IPO11: variants seen among roughly 807,000 people sequenced by gnomAD.
IPO11 encodes importin 11, also known as importin-11.
A neutral mutation model predicts 143.2 loss-of-function variants in IPO11; 66 were observed. That is an observed-to-expected ratio of 0.46 (90% confidence interval 0.38 to 0.57). The LOEUF is 0.57. Ranked by LOEUF, IPO11 falls within the 20% of genes least tolerant of loss-of-function variation. The pLI, the probability that IPO11 is intolerant of heterozygous loss-of-function variation, is 0.00. For missense variants in IPO11, 1,026 were observed against 1,141.0 expected, an observed-to-expected ratio of 0.90 and a Z score of 1.45; for synonymous variants, 385 against 377.8, an observed-to-expected ratio of 1.02 and a Z score of -0.22.
At chr5:62,608,804 T>C (rs1484357927) in intron 29 of IPO11, among the ~76,000 whole-genome samples, 1 of 152,232 alleles carries the variant, frequency 6.6e-6, no homozygotes, top group African/African-American at 2.4e-5. Context: ...GGGTTCACTC[T>C]GGTATTGTAC....
chr5:62,559,586 G>A (rs1243784710), intron 26 of IPO11, among the ~76,000 whole-genome samples: 2 of 151,816 alleles, frequency 1.3e-5, no homozygotes, highest in Non-Finnish European at 2.9e-5. Context: ...TGTTGCTTTT[G>A]TTTTTGTTTT....
intron 28 of IPO11, among the ~76,000 whole-genome samples, chr5:62,599,769 A>T (rs923656771): frequency 6.6e-6 from 1 of 152,214 alleles, no homozygotes. Flanking sequence ...TTTTATTAGT[A>T]TAACTATTAC....
intron 16 of IPO11, among the ~76,000 whole-genome samples, chr5:62,500,971 G>GTTGA (rs1611104): frequency 0.062 from 9,380 of 152,230 alleles, 408 homozygotes; most frequent in East Asian, 0.14. Flanking sequence ...GTGATCTGTT[G>GTTGA]TTGACTAATA....
intron 19 of IPO11, among the ~76,000 whole-genome samples, chr5:62,513,435 C>T (rs1275529752): frequency 3.6e-5 from 5 of 137,178 alleles, no homozygotes; most frequent in African/African-American, 1.1e-4. Flanking sequence ...ACCTCCCTCC[C>T]GGACGGAGCG....
intron 1 of IPO11, among the ~76,000 whole-genome samples, chr5:62,436,859 G>A (rs1380337926): frequency 6.6e-6 from 1 of 152,194 alleles, no homozygotes; most frequent in African/African-American, 2.4e-5. Flanking sequence ...CAAGGATAAA[G>A]TTAGGTGTTA....
At chr5:62,491,413 C>G (rs1746603074) in intron 15 of IPO11, among the ~76,000 whole-genome samples, 1 of 152,160 alleles carries the variant, frequency 6.6e-6, no homozygotes, top group African/African-American at 2.4e-5. Flanking sequence ...AGAAAGCTTT[C>G]ATTGGCGAAA....
chr5:62,594,879 T>G (rs921365359), intron 28 of IPO11, among the ~76,000 whole-genome samples: 7 of 152,112 alleles, frequency 4.6e-5, no homozygotes, highest in African/African-American at 1.7e-4. Context: ...GGATATGTAG[T>G]GGATTGGAGC....
intron 29 of IPO11, among the ~76,000 whole-genome samples, chr5:62,620,169 G>C (rs1746294010): frequency 6.6e-6 from 1 of 152,078 alleles, no homozygotes; most frequent in African/African-American, 2.4e-5. Flanking sequence ...AAGGTGGTTG[G>C]GATACATCTT....
In IPO11 at chr5:62,485,421, G is replaced by A. The variant is rs1360316652; in HGVS notation, c.1177G>A (p.Val393Met). ...MWEEDPEGFT[V>M]EETGGDSWKY... The stretch of plus-strand genomic sequence containing the variant: ...TTATTACATATTTTTAATTGCAGCA[G>A]TGGAAGAAACAGGAGGAGATTCTTG... Residue 393 changes from valine (V) to methionine (M), a missense_variant and splice_region_variant, in exon 12 of 30, where the codon GTG (valine) becomes ATG (methionine). Physicochemically the swap from Val to Met is conservative, Grantham distance 21 (BLOSUM62 1). This residue lies in a region of IPO11 where 429 missense variants were observed against 456.3 expected (regional missense o/e 0.94). Transcript: ENST00000325324. 1 of 1,608,604 alleles carries A rather than the reference G, an allele frequency of 6.2e-7. No homozygotes were observed. Among genetic ancestry groups the A allele is most frequent in the Admixed American group, 1.7e-5 (1 of 59,960 alleles).
chr5:62,456,262 C>G (rs553726706), intron 5 of IPO11, among the ~76,000 whole-genome samples: 1 of 152,164 alleles, frequency 6.6e-6, no homozygotes, highest in African/African-American at 2.4e-5. Context: ...TCCACTCTCC[C>G]ATAATGCTGG....
At chr5:62,461,089 G>T (rs1358035008) in intron 5 of IPO11, among the ~76,000 whole-genome samples, 1 of 152,174 alleles carries the variant, frequency 6.6e-6, no homozygotes, top group African/African-American at 2.4e-5. Context: ...TCAAACACTT[G>T]TAAAGGATGA....
chr5:62,561,241 C>A lies in IPO11; in HGVS notation c.2566C>A (p.Leu856Met). The A allele has an allele frequency of 6.3e-7, 1 of 1,576,672 alleles. No homozygotes were observed. The highest frequency in any genetic ancestry group is 8.6e-7 in the Non-Finnish European group (1 of 1,161,412). The change falls in exon 27 of 30, where the codon CTG (leucine) becomes ATG (methionine). Residue 856 changes from leucine to methionine, a missense_variant. Physicochemically the swap from Leu to Met is conservative, Grantham distance 15. Coordinates refer to ENST00000325324, the MANE Select transcript of IPO11 (RefSeq NM_016338.5). Reference sequence around the variant, plus strand: ...TTCAGCTTTGGCTTTGCTCTCTCTTCTGCCATCTGATAATAGGTGAGGAAA... The same window carrying A: ...TTCAGCTTTGGCTTTGCTCTCTCTTATGCCATCTGATAATAGGTGAGGAAA... ...KLSALALLSL[L>M]PSDNSVIQDK...
chr5:62,420,073 G>A lies in IPO11; in HGVS notation c.-7+7144G>A, dbSNP rs147190020. 7.9e-3 allele frequency among the ~76,000 whole-genome samples: 1,208 copies of A among 151,956 alleles called. 14 individuals carry two copies. Among genetic ancestry groups the A allele is most frequent in the African/African-American group, 0.028 (1,150 of 41,452 alleles). On this transcript the variant is annotated intron_variant, in intron 1 of 29. Coordinates refer to ENST00000325324, the MANE Select transcript of IPO11 (RefSeq NM_016338.5). ...CGGGAGGCCAAGGCGGGTGGATCAC[G>A]GGGTCAGGAGATTGAGACCAGCCTG...
At chr5:62,522,675 G>A (rs1261012942) in intron 20 of IPO11, among the ~76,000 whole-genome samples, 1 of 152,162 alleles carries the variant, frequency 6.6e-6, no homozygotes, top group Non-Finnish European at 1.5e-5. Flanking sequence ...CCTCAGTGAA[G>A]GACCCCTCAG....
At chr5:62,452,276 T>C (rs141660201) in intron 5 of IPO11, among the ~76,000 whole-genome samples, 1 of 151,094 alleles carries the variant, frequency 6.6e-6, no homozygotes, top group African/African-American at 2.5e-5. Flanking sequence ...AAAAAGAAAA[T>C]TGTGCTACTT....
At chr5:62,449,837 G>A in intron 3 of IPO11, 90 bp from the exon 4 acceptor site, 1 of 766,266 alleles carries the variant, frequency 1.3e-6, no homozygotes, top group Non-Finnish European at 2.1e-6. Flanking sequence ...ATGTTTGAAA[G>A]GCTTTTTATT....
intron 1 of IPO11, among the ~76,000 whole-genome samples, chr5:62,424,180 C>T (rs907762322): frequency 6.6e-6 from 1 of 151,374 alleles, no homozygotes; most frequent in African/African-American, 2.4e-5. Flanking sequence ...TGCTCTGTCG[C>T]TCAGGCTGGA....
chr5:62,485,534 A>T, intron 12 of IPO11, 72 bp downstream of exon 12: 2 of 1,184,740 alleles, frequency 1.7e-6, no homozygotes, highest in East Asian at 2.4e-5. Context: ...AGAGAATGAC[A>T]CTCTATTAAA....
chr5:62,529,951 C>T (rs552496041), intron 21 of IPO11, among the ~76,000 whole-genome samples: 32 of 152,188 alleles, frequency 2.1e-4, no homozygotes, highest in African/African-American at 4.6e-4. Context: ...TCCATGTATA[C>T]GTATTATATT....
Sources: allele counts gnomAD v4.1 joint callset (sites outside exome capture counted in the v4.1 genomes callset), GRCh38; gene constraint gnomAD v4.1.1; regional missense constraint gnomAD v4.1.1; transcripts MANE v1.5; gene names NCBI Gene and HGNC (gene_info 2026-07-23, HGNC 2026-07-21).